The following COPB1 variants were observed in gnomAD, a reference collection of about 807,000 sequenced individuals.
COPB1 encodes the protein coatomer subunit beta.
In COPB1, 21 loss-of-function variants were observed where a neutral mutation model predicts 108.7. The observed-to-expected ratio is 0.19, with a 90% CI of 0.14 to 0.28. COPB1 has a LOEUF of 0.28. Ranked by LOEUF, COPB1 falls within the 10% of genes least tolerant of loss-of-function variation. COPB1 has a pLI of 1.00. For synonymous variants in COPB1, 378 were observed against 386.8 expected, an observed-to-expected ratio of 0.98 and a Z score of 0.27; for missense variants, 919 against 1,141.3, an observed-to-expected ratio of 0.81 and a Z score of 2.81.
Position 14,493,916 on chromosome 11 carries a change from C to T in COPB1, c.322-105G>A, listed in dbSNP as rs1850962498. On this transcript the variant is annotated intron_variant, in intron 3 of 21. Transcript: ENST00000439561. ...GAAAAAAAATACGTTTGAGAAAAAA[C>T]CTAGATTACCGACAATTTCCATCAT... 4 of 1,018,360 alleles carry T rather than the reference C, an allele frequency of 3.9e-6. No individual in the cohort carries two copies. The South Asian group carries it at 5.5e-5, about 14-fold the overall frequency. 63.1% of individuals were successfully genotyped at this position (1,018,360 alleles called of 1,614,324 possible). A position where few individuals can be genotyped will look rare whatever the true frequency, so the allele number is the denominator to read the frequency against.
chr11:14,471,293 C>A (rs1457891911), intron 14 of COPB1, among the ~76,000 whole-genome samples: 5 of 152,144 alleles, frequency 3.3e-5, no homozygotes, highest in Admixed American at 3.3e-4. Context: ...ACCAAACTTC[C>A]TTCTTGTACC....
In COPB1 at chr11:14,482,540, A is replaced by AT. The variant is rs36093434; in HGVS notation, c.957+491dup. 1.7e-3 allele frequency among the ~76,000 whole-genome samples: 255 copies of AT among 147,202 alleles called. 1 individual carries two copies. The highest frequency in any genetic ancestry group is 4.9e-3 in the African/African-American group (196 of 40,384). ...TAATACTGATTCACTTTAGAAAAAC[A>AT]TTTTTTTTTTTTGAGACAGAGTCTC... On this transcript the variant is annotated intron_variant, in intron 8 of 21. Coordinates refer to ENST00000439561, the MANE Select transcript of COPB1 (RefSeq NM_001144061.2).
At chr11:14,491,669 CAAAAA>C (rs10550863) in intron 4 of COPB1, among the ~76,000 whole-genome samples, 2 of 138,420 alleles carry the variant, frequency 1.4e-5, no homozygotes, top group Admixed American at 7.1e-5. Flanking sequence ...AACTCTGTCT[CAAAAA>C]AAAAAAAAAA....
intron 17 of COPB1, 80 bp downstream of exon 17, chr11:14,466,202 T>C: frequency 7.6e-7 from 1 of 1,321,180 alleles, no homozygotes; most frequent in Non-Finnish European, 1.0e-6. Context: ...ATTTTTATAC[T>C]GAAACCTGTG....
chr11:14,464,269 G>A (rs1265031605), intron 18 of COPB1, among the ~76,000 whole-genome samples: 2 of 152,190 alleles, frequency 1.3e-5, no homozygotes, highest in Non-Finnish European at 2.9e-5. Flanking sequence ...CCACCACTCT[G>A]AGAACTGACC....
chr11:14,466,208 C>T, intron 17 of COPB1, 74 bp downstream of exon 17: 1 of 1,379,594 alleles, frequency 7.2e-7, no homozygotes, highest in Middle Eastern at 2.0e-4. Context: ...ATACTGAAAC[C>T]TGTGCACCTC....
At chr11:14,482,952 C>A in intron 8 of COPB1, 80 bp downstream of exon 8, 1 of 1,345,496 alleles carries the variant, frequency 7.4e-7, no homozygotes. Flanking sequence ...TTTAGGTTAA[C>A]CAAGATGGGC....
At chr11:14,483,264 ATGAAG>A in intron 7 of COPB1, 113 bp from the exon 8 acceptor site, 7 of 586,528 alleles carry the variant, frequency 1.2e-5, no homozygotes, top group Non-Finnish European at 1.6e-5. Context: ...ACACACTCCC[ATGAAG>A]CCAAAATACA....
intron 11 of COPB1, 37 bp from the exon 12 acceptor site, chr11:14,477,052 G>T (rs199962306): frequency 1.5e-6 from 2 of 1,312,208 alleles, no homozygotes; most frequent in African/African-American, 1.5e-5. Flanking sequence ...GAACTTGGCA[G>T]ACAAATCTTG....
Position 14,474,619 on chromosome 11 carries a change from C to T in COPB1, c.1617-4G>A. 6.2e-7 allele frequency: 1 copy of T among 1,612,336 alleles called. No homozygotes were observed. ...AAGGAATCCTCTCAAGGGAGGTCTGCAAAGCAACCAAGGAAAATCAAACCC... is the reference window on the plus strand; with the variant it reads ...AAGGAATCCTCTCAAGGGAGGTCTGTAAAGCAACCAAGGAAAATCAAACCC... On this transcript the variant is annotated splice_polypyrimidine_tract_variant and splice_region_variant and intron_variant, in intron 13 of 21. Coordinates refer to ENST00000439561, the MANE Select transcript of COPB1 (RefSeq NM_001144061.2).
At position 14,466,379 on chromosome 11, in the gene COPB1, G is replaced by A. The variant is rs372930388; in HGVS notation, c.2193C>T (p.Tyr731=). 44 of 1,613,064 alleles carry A rather than the reference G, an allele frequency of 2.7e-5. No individual in the cohort carries two copies. Among genetic ancestry groups the A allele is most frequent in the African/African-American group, 2.7e-4 (20 of 74,896 alleles). ...GFSDPVYAEA[Y]VHVNQYDIVL... is the part of the protein sequence containing the mutation. Reference sequence around the variant, plus strand: ...CAATATCATATTGGTTGACATGAACGTAAGCTTCTGCATATACAGGATCTG... The same window carrying A: ...CAATATCATATTGGTTGACATGAACATAAGCTTCTGCATATACAGGATCTG... Residue 731 remains tyrosine (Y), a synonymous_variant, in exon 17 of 22, where the codon TAC becomes TAT. Coordinates refer to ENST00000439561, the MANE Select transcript of COPB1 (RefSeq NM_001144061.2).
At chr11:14,487,730 G>A (rs371126287) in intron 6 of COPB1, among the ~76,000 whole-genome samples, 11 of 151,962 alleles carry the variant, frequency 7.2e-5, no homozygotes, top group African/African-American at 2.4e-4. Flanking sequence ...GTAAGTCTTG[G>A]TTTCATCTTA....
At position 14,494,363 on chromosome 11, in the gene COPB1, A is replaced by T. The variant is rs190213624; in HGVS notation, c.168T>A (p.Pro56=). ...AACGAATGATGGTCATCAGAAGTCC[A>T]GGAAGTTTTTCACCATTCAGAATCA... is the stretch of plus-strand genomic sequence containing the variant. ...IIMILNGEKL[P]GLLMTIIRFV... Residue 56 remains proline, a synonymous_variant, in exon 3 of 22, where the codon CCT becomes CCA. Transcript: ENST00000439561. The T allele has an allele frequency of 1.4e-5, 22 of 1,613,686 alleles. No individual in the cohort carries two copies. In the East Asian group the frequency reaches 4.9e-4, roughly 36 times the overall value.
Position 14,494,323 on chromosome 11 carries a change from G to C in COPB1, c.208C>G (p.Gln70Glu). The C allele has an allele frequency of 6.2e-7, 1 of 1,613,434 alleles. No individual in the cohort carries two copies. Among genetic ancestry groups the C allele is most frequent in the Middle Eastern group, 1.7e-4 (1 of 6,054 alleles). ...MTIIRFVLPL[Q>E]DHTIKKLLLV... Reference sequence around the variant, plus strand: ...AGTAATTTCTTGATAGTGTGATCCTGAAGAGGTAGCACAAAACGAATGATG... The same window carrying C: ...AGTAATTTCTTGATAGTGTGATCCTCAAGAGGTAGCACAAAACGAATGATG... Residue 70 changes from glutamine (Q) to glutamate (E), a missense_variant, in exon 3 of 22, where the codon CAG becomes GAG. By Grantham distance (29) the Gln-to-Glu change is conservative. This residue lies in a region of COPB1 where 92 missense variants were observed against 108.4 expected (regional missense o/e 0.85). Coordinates refer to ENST00000439561, the MANE Select transcript of COPB1 (RefSeq NM_001144061.2).
chr11:14,483,417 C>T (rs969550295), intron 7 of COPB1, among the ~76,000 whole-genome samples: 7 of 151,928 alleles, frequency 4.6e-5, no homozygotes. Flanking sequence ...AAAAAAGCTG[C>T]TATAGGTAGA....
chr11:14,465,062 TACACACACACACAC>T (rs3835110), intron 17 of COPB1, 32 bp from the exon 18 acceptor site: 13,717 of 1,110,470 alleles, frequency 0.012, 172 homozygotes, highest in African/African-American at 0.016. Flanking sequence ...TGGTTAAAAA[TACACACACACACAC>T]ACACACACAC....
intron 19 of COPB1, among the ~76,000 whole-genome samples, chr11:14,460,886 C>T (rs1368173268): frequency 6.6e-6 from 1 of 152,078 alleles, no homozygotes; most frequent in African/African-American, 2.4e-5. Context: ...AAGCCTTTTT[C>T]GGGCACTAGA....
At chr11:14,484,649 C>T (rs1045500002) in intron 7 of COPB1, among the ~76,000 whole-genome samples, 1 of 152,044 alleles carries the variant, frequency 6.6e-6, no homozygotes, top group African/African-American at 2.4e-5. Context: ...ATCTGGGAGG[C>T]GGAGGTTGCA....
In COPB1 at chr11:14,484,031, GGTAAGATACA is replaced by G. The variant is rs749387087; in HGVS notation, c.838-890_838-881del. The stretch of plus-strand genomic sequence containing the variant: ...GACATACAGACATCATGTACTCCTT[GGTAAGATACA>G]CTAAGAAGGACACATCACTTCTGTG... On this transcript the variant is annotated intron_variant, in intron 7 of 21. Transcript: ENST00000439561. Among the ~76,000 whole-genome samples, 186 of 152,210 alleles carry G rather than the reference GGTAAGATACA, an allele frequency of 1.2e-3. 6 individuals carry two copies. The highest frequency in any genetic ancestry group is 4.0e-4 in the Non-Finnish European group (27 of 68,024).
Sources: allele counts gnomAD v4.1 joint callset (sites outside exome capture counted in the v4.1 genomes callset), GRCh38; gene constraint gnomAD v4.1.1; regional missense constraint gnomAD v4.1.1; transcripts MANE v1.5; gene names NCBI Gene and HGNC (gene_info 2026-07-23, HGNC 2026-07-21).